Variants in FOXP2 observed in about 807,000 individuals in gnomAD.
FOXP2 encodes the protein forkhead box protein P2.
A neutral mutation model predicts 115.8 loss-of-function variants in FOXP2; 12 were observed. The ratio of observed to expected loss-of-function variants is 0.10; its 90% confidence interval spans 0.07 to 0.17. The LOEUF is 0.17. Among genes scored for constraint, FOXP2 ranks in the 10% least tolerant of loss-of-function variants. The pLI is 1.00. For synonymous variants in FOXP2, 328 were observed against 297.7 expected (o/e 1.10, Z -1.05); for missense variants, 629 against 843.5 (o/e 0.75, Z 3.15).
At chr7:114,314,796 T>C (rs552213947) in intron 2 of FOXP2, among the ~76,000 whole-genome samples, 13 of 152,310 alleles carry the variant, frequency 8.5e-5, no homozygotes, top group African/African-American at 2.4e-4. Context: ...TTCTTTGTAA[T>C]GTGTTGTCTG....
chr7:114,278,028 A>T (rs1194067136), intron 1 of FOXP2, among the ~76,000 whole-genome samples: 2 of 144,120 alleles, frequency 1.4e-5, no homozygotes, highest in Non-Finnish European at 3.0e-5. Context: ...CCTTGTCTAA[A>T]AAAAAAAAAA....
At chr7:114,476,990 A>C (rs1238023258) in intron 2 of FOXP2, among the ~76,000 whole-genome samples, 1 of 152,078 alleles carries the variant, frequency 6.6e-6, no homozygotes, top group African/African-American at 2.4e-5. Flanking sequence ...ATTATCAAAA[A>C]GTCAAAAGAA....
intron 3 of FOXP2, among the ~76,000 whole-genome samples, chr7:114,568,671 T>A (rs560560668): frequency 6.6e-6 from 1 of 152,052 alleles, no homozygotes; most frequent in Admixed American, 6.6e-5. Flanking sequence ...AATGAAAACC[T>A]CTTTTTTAAT....
At chr7:114,323,988 A>G (rs1402143855) in intron 2 of FOXP2, among the ~76,000 whole-genome samples, 1 of 151,904 alleles carries the variant, frequency 6.6e-6, no homozygotes, top group African/African-American at 2.4e-5. Context: ...ATGCCTATCA[A>G]TATTTTGGAA....
chr7:114,416,982 T>C (rs901926986), intron 1 of FOXP2, among the ~76,000 whole-genome samples: 20 of 151,988 alleles, frequency 1.3e-4, no homozygotes, highest in African/African-American at 4.8e-4. Flanking sequence ...TGCATTGAAA[T>C]ACTAATAATC....
At chr7:114,118,274 C>A (rs1477862107) in intron 1 of FOXP2, among the ~76,000 whole-genome samples, 4 of 152,054 alleles carry the variant, frequency 2.6e-5, no homozygotes, top group Admixed American at 2.6e-4. Context: ...CTCATACTGT[C>A]CTTATGCATA....
At chr7:114,660,142 A>G (rs1806789333) in intron 13 of FOXP2, among the ~76,000 whole-genome samples, 1 of 152,192 alleles carries the variant, frequency 6.6e-6, no homozygotes, top group South Asian at 2.1e-4. Flanking sequence ...CTCAGCTGGA[A>G]CTAAAAGAAA....
intron 1 of FOXP2, among the ~76,000 whole-genome samples, chr7:114,273,230 C>G (rs578002987): frequency 6.6e-6 from 1 of 151,908 alleles, no homozygotes; most frequent in Non-Finnish European, 1.5e-5. Context: ...GGTTTAATCT[C>G]TACATATTTT....
chr7:114,426,498 T>G lies in FOXP2; in HGVS notation c.-10-4T>G, dbSNP rs1187877196. The stretch of plus-strand genomic sequence containing the variant: ...GTTAATTGATACTTCTTAATCACTT[T>G]TAGGTATTAAGTCATGATGCAGGAA... On this transcript the variant is annotated splice_region_variant and splice_polypyrimidine_tract_variant and intron_variant, in intron 1 of 16. Transcript: ENST00000350908. The G allele has an allele frequency of 6.2e-7, 1 of 1,609,344 alleles. No homozygotes were observed. Among genetic ancestry groups the G allele is most frequent in the Non-Finnish European group, 8.5e-7 (1 of 1,176,730 alleles).
At chr7:114,628,841 A>G in intron 4 of FOXP2, 164 bp downstream of exon 4, 2 of 802,658 alleles carry the variant, frequency 2.5e-6, no homozygotes, top group East Asian at 5.5e-5. Context: ...ACTCGTAAGA[A>G]AATCTAGATT....
chr7:114,486,763 G>T (rs1228383318), intron 2 of FOXP2, among the ~76,000 whole-genome samples: 1 of 152,166 alleles, frequency 6.6e-6, no homozygotes, highest in Non-Finnish European at 1.5e-5. Flanking sequence ...AATCCATTAG[G>T]ATAGCCAAAT....
intron 1 of FOXP2, among the ~76,000 whole-genome samples, chr7:114,164,289 C>CT (rs886444808): frequency 8.0e-5 from 12 of 150,582 alleles, no homozygotes; most frequent in Middle Eastern, 6.8e-3. Context: ...CAGTTCAAAA[C>CT]TTTTTTTTTG....
chr7:114,280,794 T>C (rs1158250634), intron 1 of FOXP2, among the ~76,000 whole-genome samples: 1 of 152,196 alleles, frequency 6.6e-6, no homozygotes, highest in Non-Finnish European at 1.5e-5. Flanking sequence ...TGTGTCACTT[T>C]CTCTACCTGC....
At chr7:114,148,511 G>T (rs1051164309) in intron 1 of FOXP2, among the ~76,000 whole-genome samples, 1 of 151,996 alleles carries the variant, frequency 6.6e-6, no homozygotes. Context: ...CCAAATGCTC[G>T]TATTAATAAT....
In FOXP2 at chr7:114,656,833, C is replaced by T. The variant is rs137911498; in HGVS notation, c.1267-1233C>T. ...ACTGACTAAATGTGTAAAACAAATCCACAAAGAAAGATCAATCAATGCTGT... is the reference window on the plus strand; with the variant it reads ...ACTGACTAAATGTGTAAAACAAATCTACAAAGAAAGATCAATCAATGCTGT... On this transcript the variant is annotated intron_variant, in intron 10 of 16. Coordinates refer to ENST00000350908, the MANE Select transcript of FOXP2 (RefSeq NM_014491.4). Among the ~76,000 whole-genome samples the T allele has an allele frequency of 4.1e-4, 63 of 152,092 alleles. 1 individual carries two copies. The highest frequency in any genetic ancestry group is 6.8e-4 in the Non-Finnish European group (46 of 67,984).
intron 1 of FOXP2, among the ~76,000 whole-genome samples, chr7:114,248,251 T>C (rs1294847680): frequency 6.6e-6 from 1 of 152,066 alleles, no homozygotes; most frequent in Admixed American, 6.6e-5. Context: ...TTCAGCTATT[T>C]ATTCTATTCA....
At chr7:114,645,150 A>G (rs1254623299) in intron 8 of FOXP2, 14 of 125,588 alleles carry the variant, frequency 1.1e-4, no homozygotes, top group African/African-American at 3.9e-4. Flanking sequence ...ATATATATAT[A>G]TATATATATA....
At chr7:114,231,727 T>A (rs1188092999) in intron 1 of FOXP2, among the ~76,000 whole-genome samples, 1 of 152,158 alleles carries the variant, frequency 6.6e-6, no homozygotes, top group Non-Finnish European at 1.5e-5. Context: ...CACAATAGGT[T>A]AAAGACTTAA....
At chr7:114,408,752 T>A (rs1793096978) in intron 2 of FOXP2, among the ~76,000 whole-genome samples, 2 of 151,766 alleles carry the variant, frequency 1.3e-5, no homozygotes, top group South Asian at 2.1e-4. Context: ...AATAAATAAA[T>A]AAATAAATAA....
Sources: allele counts gnomAD v4.1 joint callset (sites outside exome capture counted in the v4.1 genomes callset), GRCh38; gene constraint gnomAD v4.1.1; transcripts MANE v1.5; gene names NCBI Gene and HGNC (gene_info 2026-07-23, HGNC 2026-07-21).